Variants in CAMK4 observed in about 807,000 individuals in gnomAD.
CAMK4 encodes calcium/calmodulin dependent protein kinase IV, also known as calcium/calmodulin-dependent protein kinase type IV.
A neutral mutation model predicts 44.9 loss-of-function variants in CAMK4; 22 were observed. That is an observed-to-expected ratio of 0.49 (90% CI 0.35 to 0.70). CAMK4 has a LOEUF of 0.70. Ranked by LOEUF, CAMK4 falls within the 30% of genes least tolerant of loss-of-function variation. The pLI is 0.01. For synonymous variants in CAMK4, 218 were observed against 215.4 expected (o/e 1.01, Z -0.11); for missense variants, 498 against 586.8 (o/e 0.85, Z 1.56).
At chr5:111,370,779 G>A (rs1184588650) in intron 2 of CAMK4, among the ~76,000 whole-genome samples, 1 of 152,062 alleles carries the variant, frequency 6.6e-6, no homozygotes, top group African/African-American at 2.4e-5. Flanking sequence ...GCTGGATGTG[G>A]TGGCGCACAC....
intron 1 of CAMK4, among the ~76,000 whole-genome samples, chr5:111,274,607 A>G (rs1336303189): frequency 1.3e-5 from 2 of 152,180 alleles, no homozygotes; most frequent in East Asian, 1.9e-4. Context: ...GGATAAGAAA[A>G]ATTTTTGGAT....
intron 1 of CAMK4, among the ~76,000 whole-genome samples, chr5:111,285,732 T>A (rs754856731): frequency 9.2e-5 from 14 of 152,242 alleles, no homozygotes; most frequent in Non-Finnish European, 1.5e-4. Flanking sequence ...TTGCTTATGT[T>A]CCCTGTCAAT....
chr5:111,337,934 G>T (rs1749476692), intron 1 of CAMK4, among the ~76,000 whole-genome samples: 1 of 151,208 alleles, frequency 6.6e-6, no homozygotes, highest in South Asian at 2.1e-4. Context: ...GACTGTTTTA[G>T]TTGGGTATGA....
intron 9 of CAMK4, among the ~76,000 whole-genome samples, chr5:111,479,073 C>T (rs553800431): frequency 6.6e-6 from 1 of 152,200 alleles, no homozygotes; most frequent in South Asian, 2.1e-4. Context: ...AATATGGGGT[C>T]TTGCTATGTT....
intron 5 of CAMK4, among the ~76,000 whole-genome samples, chr5:111,444,570 G>C (rs1308746660): frequency 6.6e-6 from 1 of 152,090 alleles, no homozygotes; most frequent in Non-Finnish European, 1.5e-5. Flanking sequence ...GAGAGTAGCT[G>C]AATCTCCCTG....
chr5:111,438,556 A>G (rs1753723974), intron 5 of CAMK4, among the ~76,000 whole-genome samples: 1 of 152,190 alleles, frequency 6.6e-6, no homozygotes, highest in African/African-American at 2.4e-5. Flanking sequence ...TTTATATAAA[A>G]AATTTAAGAT....
chr5:111,373,262 ACT>A (rs1751080538), intron 2 of CAMK4, among the ~76,000 whole-genome samples: 1 of 152,012 alleles, frequency 6.6e-6, no homozygotes, highest in Non-Finnish European at 1.5e-5. Flanking sequence ...GGTGAAATAA[ACT>A]CTGGAGAAAT....
chr5:111,460,787 G>A lies in CAMK4; in HGVS notation c.625+11584G>A, dbSNP rs531572937. ...TTGGAGAAAATGGCAATGACTTCAA[G>A]ATAGGAAGGCTCAATGGAATTTCAC... On this transcript the variant is annotated intron_variant, in intron 7 of 10. Transcript: ENST00000282356. Among the ~76,000 whole-genome samples the A allele has an allele frequency of 3.3e-5, 5 of 152,208 alleles. No individual in the cohort carries two copies. The South Asian group carries it at 1.0e-3, about 32-fold the overall frequency.
Position 111,224,719 on chromosome 5 carries a change from G to A in CAMK4, c.161+75G>A. Reference sequence around the variant, plus strand: ...GTCCCTCTCGCAGCGACGGCTCGGAGGGTGCGGGAGCCTGCCTTCGTGCCC... The same window carrying A: ...GTCCCTCTCGCAGCGACGGCTCGGAAGGTGCGGGAGCCTGCCTTCGTGCCC... On this transcript the variant is annotated intron_variant, in intron 1 of 10. Coordinates refer to ENST00000282356, the MANE Select transcript of CAMK4 (RefSeq NM_001744.6). This position sits in a 1 kb window ranked among gnomAD's most constrained non-coding sequence, Gnocchi z 5.7. 7.0e-7 allele frequency: 1 copy of A among 1,425,524 alleles called. No individual in the cohort carries two copies. The highest frequency in any genetic ancestry group is 9.5e-7 in the Non-Finnish European group (1 of 1,047,272). 88.3% of individuals were successfully genotyped at this position (1,425,524 alleles called of 1,614,324 possible).
intron 1 of CAMK4, among the ~76,000 whole-genome samples, chr5:111,243,377 G>A (rs1749092413): frequency 6.6e-6 from 1 of 152,204 alleles, no homozygotes; most frequent in Non-Finnish European, 1.5e-5. Flanking sequence ...AGTGTAATCA[G>A]ACATTGAGAG....
At chr5:111,444,924 A>G (rs1399431915) in intron 5 of CAMK4, among the ~76,000 whole-genome samples, 1 of 152,198 alleles carries the variant, frequency 6.6e-6, no homozygotes, top group Non-Finnish European at 1.5e-5. Flanking sequence ...CAATCTTTGC[A>G]CTCCAGCTCA....
chr5:111,469,244 G>T (rs1754977888), intron 7 of CAMK4, among the ~76,000 whole-genome samples: 1 of 139,482 alleles, frequency 7.2e-6, no homozygotes, highest in African/African-American at 2.7e-5. Flanking sequence ...TTGTGTCTAG[G>T]TGTTTTGACT....
rs1315137357 is a variant in CAMK4, at chr5:111,489,469, ATTTG to A, written c.*5008_*5011del. ...TGGAGAGCAATAACAAACTTGATTA[ATTTG>A]TTTGGTTATTTAAAATTCCAACTTT... On this transcript the variant is annotated 3_prime_UTR_variant, in exon 11 of 11. Coordinates refer to ENST00000282356, the MANE Select transcript of CAMK4 (RefSeq NM_001744.6). The A allele has an allele frequency of 2.0e-5, 3 of 152,168 alleles. No homozygotes were observed. Among genetic ancestry groups the A allele is most frequent in the Non-Finnish European group, 2.9e-5 (2 of 68,034 alleles). 9.4% of individuals were successfully genotyped at this position (152,168 alleles called of 1,614,324 possible). A position where few individuals can be genotyped will look rare whatever the true frequency, so the allele number is the denominator to read the frequency against.
chr5:111,382,222 A>C (rs1389857723), intron 4 of CAMK4, among the ~76,000 whole-genome samples: 1 of 152,162 alleles, frequency 6.6e-6, no homozygotes, highest in East Asian at 1.9e-4. Flanking sequence ...AATAGGTCAT[A>C]AGACCTCACC....
chr5:111,298,987 C>T (rs901495714), intron 1 of CAMK4, among the ~76,000 whole-genome samples: 2 of 152,168 alleles, frequency 1.3e-5, no homozygotes, highest in African/African-American at 4.8e-5. Flanking sequence ...TATGCTGGGC[C>T]CTCAGTCATA....
chr5:111,452,374 G>T (rs1221172088), intron 7 of CAMK4, among the ~76,000 whole-genome samples: 1 of 152,158 alleles, frequency 6.6e-6, no homozygotes, highest in Non-Finnish European at 1.5e-5. Context: ...TCCAGCAAAG[G>T]TTTTTAATCA....
At chr5:111,310,362 C>T (rs1748147685) in intron 1 of CAMK4, among the ~76,000 whole-genome samples, 1 of 152,142 alleles carries the variant, frequency 6.6e-6, no homozygotes, top group South Asian at 2.1e-4. Flanking sequence ...TGATATTGTG[C>T]TACATCGTGA....
At chr5:111,434,466 A>G (rs898452219) in intron 5 of CAMK4, among the ~76,000 whole-genome samples, 4 of 152,232 alleles carry the variant, frequency 2.6e-5, no homozygotes, top group African/African-American at 4.8e-5. Context: ...AAAACAAGTA[A>G]GAATGTCTCA....
intron 8 of CAMK4, among the ~76,000 whole-genome samples, chr5:111,476,343 G>C (rs1755242569): frequency 6.6e-6 from 1 of 151,784 alleles, no homozygotes; most frequent in South Asian, 2.1e-4. Flanking sequence ...GCAGTGGCGT[G>C]ATCTCGGCTC....
Sources: gnomAD v4.1 joint callset for allele counts (sites outside exome capture counted in the v4.1 genomes callset) on GRCh38, gnomAD v4.1.1 for gene constraint, Gnocchi (gnomAD v3.1) non-coding constraint, MANE v1.5 for transcripts, NCBI Gene and HGNC (gene_info 2026-07-23, HGNC 2026-07-21) for gene names.